WDR62: variants seen among roughly 807,000 people sequenced by gnomAD.
The protein encoded by WDR62 is WD repeat domain 62.
A neutral mutation model predicts 160.6 loss-of-function variants in WDR62; 112 were observed. The observed-to-expected ratio is 0.70, with a 90% CI of 0.60 to 0.82. The LOEUF is 0.82. Among genes scored for constraint, WDR62 ranks in the 40% least tolerant of loss-of-function variants. The pLI is 0.00. For missense variants in WDR62, 1,819 were observed against 1,983.8 expected, an observed-to-expected ratio of 0.92 and a Z score of 1.58; for synonymous variants, 792 against 815.1, an observed-to-expected ratio of 0.97 and a Z score of 0.48.
In WDR62 at chr19:36,076,944, T is replaced by C. The variant is rs528534269; in HGVS notation, c.1233+3413T>C. Among the ~76,000 whole-genome samples, 3 of 152,272 alleles carry C rather than the reference T, an allele frequency of 2.0e-5. No homozygotes were observed. The East Asian group carries it at 5.8e-4, about 29-fold the overall frequency. ...CCCTGTTTATTTTGGAATGGGGAATTATATATGTGTGTATATATGTATGTG... is the reference window on the plus strand; with the variant it reads ...CCCTGTTTATTTTGGAATGGGGAATCATATATGTGTGTATATATGTATGTG... On this transcript the variant is annotated intron_variant, in intron 9 of 31. Coordinates refer to ENST00000401500, the MANE Select transcript of WDR62 (RefSeq NM_001083961.2).
intron 9 of WDR62, among the ~76,000 whole-genome samples, chr19:36,074,818 T>C (rs750984712): frequency 6.6e-6 from 1 of 152,176 alleles, no homozygotes; most frequent in Non-Finnish European, 1.5e-5. Flanking sequence ...AGGTGAAATA[T>C]TACAGATAAG....
intron 9 of WDR62, 135 bp downstream of exon 9, chr19:36,073,666 G>A (rs1599775003): frequency 1.3e-6 from 1 of 774,092 alleles, no homozygotes; most frequent in African/African-American, 1.7e-5. Flanking sequence ...CCTAGGTGCT[G>A]AGGACACAGA....
intron 9 of WDR62, among the ~76,000 whole-genome samples, chr19:36,076,565 A>G (rs1456362494): frequency 6.6e-6 from 1 of 151,860 alleles, no homozygotes; most frequent in African/African-American, 2.4e-5. Flanking sequence ...CTCAAAAAAA[A>G]AAAAAAGAAA....
At chr19:36,084,995 T>C (rs1304125062) in intron 12 of WDR62, among the ~76,000 whole-genome samples, 2 of 152,206 alleles carry the variant, frequency 1.3e-5, no homozygotes, top group Non-Finnish European at 2.9e-5. Context: ...GGGGTGGATG[T>C]ATGAATGAGT....
chr19:36,097,304 C>A (rs1047179697), intron 21 of WDR62, among the ~76,000 whole-genome samples: 1 of 152,264 alleles, frequency 6.6e-6, no homozygotes, highest in South Asian at 2.1e-4. Context: ...ACAAAAGTCT[C>A]TCCCTTCACA....
At chr19:36,102,310 GAGTGCGGTGGCCCAAT>G in intron 26 of WDR62, 159 bp downstream of exon 26, 1 of 1,071,034 alleles carries the variant, frequency 9.3e-7, no homozygotes, top group Non-Finnish European at 1.4e-6. Context: ...TGCCAGGCTG[GAGTGCGGTGGCCCAAT>G]CTTGGCTCAC....
intron 10 of WDR62, among the ~76,000 whole-genome samples, chr19:36,082,666 A>G (rs913964477): frequency 6.6e-6 from 1 of 152,220 alleles, no homozygotes. Context: ...TCATGAAAGT[A>G]GTCTGAAGGT....
At chr19:36,085,414 C>CTTTTTCTTTT (rs1972154282) in intron 12 of WDR62, among the ~76,000 whole-genome samples, 1 of 70,382 alleles carries the variant, frequency 1.4e-5, no homozygotes. Context: ...CACACCTGAC[C>CTTTTTCTTTT]TTTTTTTTTT....
At position 36,090,483 on chromosome 19, in the gene WDR62, A is replaced by G. The variant is rs1972526785; in HGVS notation, c.1997A>G (p.Tyr666Cys). 6.2e-7 allele frequency: 1 copy of G among 1,614,112 alleles called. No individual in the cohort carries two copies. The highest frequency in any genetic ancestry group is 1.3e-5 in the African/African-American group (1 of 75,054). The change falls in exon 16 of 32, where the codon TAC (tyrosine) becomes TGC (cysteine). Residue 666 changes from tyrosine (Y) to cysteine (C), a missense_variant. Coordinates refer to ENST00000401500, the MANE Select transcript of WDR62 (RefSeq NM_001083961.2). ...NTVNGKQKKCYKGSQGDEGSL... is the reference protein window; with the variant it reads ...NTVNGKQKKCCKGSQGDEGSL... ...GTGAACGGGAAGCAGAAGAAGTGCT[A>G]CAAGGGCTCCCAGGGTGACGAAGGG...
At chr19:36,067,468 A>AG in intron 6 of WDR62, 25 bp downstream of exon 6, 1 of 1,613,792 alleles carries the variant, frequency 6.2e-7, no homozygotes, top group Non-Finnish European at 8.5e-7. Context: ...CTGCCCCTTT[A>AG]GCCAGGCCCT....
intron 9 of WDR62, chr19:36,073,858 A>G (rs151125624): frequency 0.016 from 6,367 of 399,728 alleles, 61 homozygotes; most frequent in Non-Finnish European, 0.022. Context: ...CCCTGAGGAC[A>G]TATGAGCAGA....
At chr19:36,098,619 G>T (rs1973125471) in intron 21 of WDR62, among the ~76,000 whole-genome samples, 2 of 152,010 alleles carry the variant, frequency 1.3e-5, no homozygotes, top group African/African-American at 4.8e-5. Context: ...TAAGAGAGGT[G>T]AATGAAGGAT....
rs145778131 is a variant in WDR62 at position 36,087,850 on chromosome 19, C to T, written c.1768+1038C>T. 5.9e-5 allele frequency among the ~76,000 whole-genome samples: 9 copies of T among 152,130 alleles called. No individual in the cohort carries two copies. The East Asian group carries it at 1.7e-3, about 29-fold the overall frequency. On this transcript the variant is annotated intron_variant, in intron 13 of 31. Coordinates refer to ENST00000401500, the MANE Select transcript of WDR62 (RefSeq NM_001083961.2). Reference sequence around the variant, plus strand: ...AAATAAAAATAAAAAATAAGCTGGGCGTGGTGGCCGAAGTGAGTATCCACA... The same window carrying T: ...AAATAAAAATAAAAAATAAGCTGGGTGTGGTGGCCGAAGTGAGTATCCACA...
Position 36,073,961 on chromosome 19 carries a change from G to A in WDR62, c.1233+430G>A, listed in dbSNP as rs1599775493. 5 of 346,780 alleles carry A rather than the reference G, an allele frequency of 1.4e-5. No individual in the cohort carries two copies. The East Asian group carries it at 3.0e-4, about 21-fold the overall frequency. The allele number at this position is 346,780 out of a possible 1,614,324, so 21.5% of individuals were successfully genotyped here. A position where few individuals can be genotyped will look rare whatever the true frequency, so the allele number is the denominator to read the frequency against. ...GGCAGGAACATGCACTCCACAGAGA[G>A]CTTTGCTGTGGAGGTCGTTTATGTA... On this transcript the variant is annotated intron_variant, in intron 9 of 31. Transcript: ENST00000401500.
At chr19:36,058,694 G>A in intron 1 of WDR62, 86 bp from the exon 2 acceptor site, 3 of 1,006,642 alleles carry the variant, frequency 3.0e-6, no homozygotes, top group Non-Finnish European at 3.1e-6. Context: ...GTTGAATGTA[G>A]CAGGACCTGA....
At chr19:36,062,952 A>AT (rs59704929) in intron 3 of WDR62, among the ~76,000 whole-genome samples, 27,129 of 146,212 alleles carry the variant, frequency 0.19, 2,730 homozygotes, top group Middle Eastern at 0.29. Context: ...GGATCTTGAC[A>AT]TTTTTTTTTT....
At chr19:36,063,006 G>T (rs925821739) in intron 3 of WDR62, among the ~76,000 whole-genome samples, 1 of 152,022 alleles carries the variant, frequency 6.6e-6, no homozygotes, top group Non-Finnish European at 1.5e-5. Context: ...GAGTGCAGTG[G>T]TGGGATCCTG....
chr19:36,104,463 C>T (rs550167696), intron 30 of WDR62, 55 bp from the exon 31 acceptor site: 45 of 1,602,860 alleles, frequency 2.8e-5, no homozygotes, highest in South Asian at 1.4e-4. Context: ...TCGCTCTGGC[C>T]GCTCACACCA....
Position 36,102,838 on chromosome 19 carries a change from C to G in WDR62, c.3322C>G (p.Gln1108Glu), listed in dbSNP as rs1193422410. The change falls in exon 27 of 32, where the codon CAG (glutamine) becomes GAG (glutamate). Residue 1108 changes from glutamine to glutamate, a missense_variant. Physicochemically the swap from Gln to Glu is conservative, Grantham distance 29 (BLOSUM62 2). Transcript: ENST00000401500. ...CTCCACGCAGTTCCTCTCAAGCCTC[C>G]AGAAGGCATCCAGGTAGAAGCTGGC... ...SISTQFLSSL[Q>E]KASRFTHTFP... 25 of 1,614,230 alleles carry G rather than the reference C, an allele frequency of 1.5e-5. No homozygotes were observed. In the East Asian group the frequency reaches 5.6e-4, roughly 36 times the overall value.
Sources: allele counts gnomAD v4.1 joint callset (sites outside exome capture counted in the v4.1 genomes callset), GRCh38; gene constraint gnomAD v4.1.1; transcripts MANE v1.5; gene names NCBI Gene and HGNC (gene_info 2026-07-23, HGNC 2026-07-21).